Variants in DNAH11 observed in about 807,000 individuals in gnomAD.
The protein encoded by DNAH11 is axonemal beta dynein heavy chain 11.
Under a neutral mutation model 526.0 loss-of-function variants are expected in DNAH11, and 442 were observed. The ratio of observed to expected loss-of-function variants is 0.84; its 90% CI spans 0.78 to 0.91. The LOEUF (loss-of-function observed/expected upper bound fraction) is 0.91, where lower values mean the gene tolerates loss of function less well. Among genes scored for constraint, DNAH11 ranks in the 40% least tolerant of loss-of-function variants. The probability of loss-of-function intolerance (pLI) is 0.00; values close to 1 mark genes in which losing one functional copy is unlikely to be tolerated. For missense variants in DNAH11, 6,989 were observed against 5,448.7 expected (o/e 1.28, Z -8.90); for synonymous variants, 2,461 against 1,935.9 (o/e 1.27, Z -7.12).
chr7:21,867,753 C>G (rs1583791097), intron 71 of DNAH11, 106 bp from the exon 72 acceptor site: 5 of 1,007,812 alleles, frequency 5.0e-6, no homozygotes, highest in Middle Eastern at 3.0e-4. Flanking sequence ...ATGTAATAAA[C>G]CTGGTTACTT....
intron 27 of DNAH11, 102 bp from the exon 28 acceptor site, chr7:21,638,837 T>C: frequency 7.3e-7 from 1 of 1,365,516 alleles, no homozygotes; most frequent in Non-Finnish European, 1.0e-6. Context: ...AAACAGTGAG[T>C]TTACTATAAT....
At chr7:21,895,304 C>A (rs1230588233) in intron 79 of DNAH11, among the ~76,000 whole-genome samples, 2 of 151,862 alleles carry the variant, frequency 1.3e-5, no homozygotes, top group Non-Finnish European at 2.9e-5. Context: ...CAATAGAATC[C>A]CCTGAGTTGT....
At chr7:21,668,603 A>G (rs1782514456) in intron 30 of DNAH11, among the ~76,000 whole-genome samples, 1 of 152,214 alleles carries the variant, frequency 6.6e-6, no homozygotes, top group African/African-American at 2.4e-5. Flanking sequence ...ATAAAATTTC[A>G]GACCCCTCAC....
intron 2 of DNAH11, 78 bp from the exon 3 acceptor site, chr7:21,558,724 C>G (rs1783319939): frequency 8.6e-7 from 1 of 1,162,032 alleles, no homozygotes. Context: ...AGTTTTGTTG[C>G]CAATTTTGTA....
Position 21,900,231 on chromosome 7 carries a change from T to C in DNAH11, c.13303+111T>C, listed in dbSNP as rs539015865. 33 of 1,168,490 alleles carry C rather than the reference T, an allele frequency of 2.8e-5. No homozygotes were observed. In the South Asian group the frequency reaches 6.5e-4, roughly 23 times the overall value. 72.4% of individuals were successfully genotyped at this position (1,168,490 alleles called of 1,614,324 possible). A position where few individuals can be genotyped will look rare whatever the true frequency, so the allele number is the denominator to read the frequency against. ...TCTCCTCACTCACACAGTAACCTTA[T>C]GCTAGTCATTATCTCATTTCTTCCT... On this transcript the variant is annotated intron_variant, in intron 81 of 81. Transcript: ENST00000409508.
chr7:21,600,993 T>C lies in DNAH11; in HGVS notation c.3256-17T>C. On this transcript the variant is annotated splice_polypyrimidine_tract_variant and intron_variant, in intron 16 of 81. Coordinates refer to ENST00000409508, the MANE Select transcript of DNAH11 (RefSeq NM_001277115.2). ...CTTTTCACTGAGTTGTTCTAATTAA[T>C]CTTTTTCTCACTACAGATTGACATT... 6.2e-7 allele frequency: 1 copy of C among 1,610,080 alleles called. No homozygotes were observed. The highest frequency in any genetic ancestry group is 1.1e-5 in the South Asian group (1 of 89,792).
At chr7:21,687,593 C>G in intron 34 of DNAH11, 66 bp downstream of exon 34, 1 of 1,535,954 alleles carries the variant, frequency 6.5e-7, no homozygotes, top group Non-Finnish European at 8.8e-7. Flanking sequence ...GGTAACCTCC[C>G]CTTCACTGTC....
At position 21,623,151 on chromosome 7, in the gene DNAH11, G is replaced by C. The variant is rs1053213316; in HGVS notation, c.4500+3073G>C. Among the ~76,000 whole-genome samples, 7 of 152,014 alleles carry C rather than the reference G, an allele frequency of 4.6e-5. No homozygotes were observed. In the East Asian group the frequency reaches 7.7e-4, roughly 17 times the overall value. Reference sequence around the variant, plus strand: ...AAAACAACCCCATCAAAAAGTGGGCGAAGGACATGAACAGACACTTCTCAA... The same window carrying C: ...AAAACAACCCCATCAAAAAGTGGGCCAAGGACATGAACAGACACTTCTCAA... On this transcript the variant is annotated intron_variant, in intron 25 of 81. Coordinates refer to ENST00000409508, the MANE Select transcript of DNAH11 (RefSeq NM_001277115.2).
intron 61 of DNAH11, among the ~76,000 whole-genome samples, chr7:21,794,839 A>G (rs1788639406): frequency 2.0e-5 from 3 of 152,194 alleles, no homozygotes; most frequent in Admixed American, 6.5e-5. Context: ...GCTGAGTGGG[A>G]AAAATGGCTG....
intron 44 of DNAH11, among the ~76,000 whole-genome samples, chr7:21,722,649 T>A (rs1784924280): frequency 6.6e-6 from 1 of 152,162 alleles, no homozygotes; most frequent in Non-Finnish European, 1.5e-5. Context: ...ATTCCTTCTG[T>A]AATTTCCAAG....
intron 76 of DNAH11, among the ~76,000 whole-genome samples, chr7:21,889,335 T>C (rs1162037965): frequency 3.9e-5 from 6 of 152,258 alleles, no homozygotes; most frequent in African/African-American, 9.6e-5. Context: ...TTGGCTATTA[T>C]GAATAATGCT....
chr7:21,657,177 C>CT (rs146205215), intron 29 of DNAH11, among the ~76,000 whole-genome samples: 11,728 of 152,180 alleles, frequency 0.077, 541 homozygotes, highest in African/African-American at 0.13. Context: ...TAATTTGGTG[C>CT]TTTTTTGTAT....
chr7:21,804,787 A>C (rs1386951605), intron 62 of DNAH11, among the ~76,000 whole-genome samples: 2 of 152,056 alleles, frequency 1.3e-5, no homozygotes, highest in Non-Finnish European at 2.9e-5. Flanking sequence ...TATTTCCCTC[A>C]TTGTAGCTGG....
At chr7:21,639,531 T>C (rs55989571) in intron 28 of DNAH11, among the ~76,000 whole-genome samples, 5,563 of 152,286 alleles carry the variant, frequency 0.037, 325 homozygotes, top group African/African-American at 0.12. Flanking sequence ...CATTTCAGGA[T>C]CATCCCGAAT....
intron 44 of DNAH11, among the ~76,000 whole-genome samples, chr7:21,724,477 T>G (rs550152320): frequency 6.6e-6 from 1 of 152,194 alleles, no homozygotes; most frequent in African/African-American, 2.4e-5. Flanking sequence ...AAATCACGGT[T>G]GAAGTCATAG....
intron 2 of DNAH11, among the ~76,000 whole-genome samples, chr7:21,557,426 C>T (rs925747580): frequency 8.5e-5 from 13 of 152,096 alleles, no homozygotes; most frequent in African/African-American, 2.9e-4. Flanking sequence ...AAAATCAAGC[C>T]AGTAGTGAAT....
At chr7:21,781,536 G>T (rs1787940808) in intron 57 of DNAH11, among the ~76,000 whole-genome samples, 1 of 152,192 alleles carries the variant, frequency 6.6e-6, no homozygotes, top group Non-Finnish European at 1.5e-5. Flanking sequence ...TGAGTAGAGT[G>T]TAAACCTTTA....
chr7:21,551,966 C>T (rs1783040881), intron 2 of DNAH11, among the ~76,000 whole-genome samples: 1 of 152,172 alleles, frequency 6.6e-6, no homozygotes, highest in African/African-American at 2.4e-5. Context: ...GTGTGGGTTG[C>T]TTACTGTTAG....
chr7:21,741,358 A>G (rs1385392235), intron 48 of DNAH11, among the ~76,000 whole-genome samples: 3 of 152,220 alleles, frequency 2.0e-5, no homozygotes, highest in African/African-American at 7.2e-5. Flanking sequence ...CTACTGAAGG[A>G]CACCTTGGTT....
Sources: allele counts gnomAD v4.1 joint callset (sites outside exome capture counted in the v4.1 genomes callset), GRCh38; gene constraint gnomAD v4.1.1; transcripts MANE v1.5; gene names NCBI Gene and HGNC (gene_info 2026-07-23, HGNC 2026-07-21).